Variants in ATRNL1 observed in about 807,000 individuals in gnomAD.
ATRNL1 encodes the protein attractin-like protein 1.
In ATRNL1, 95 loss-of-function variants were observed where a neutral mutation model predicts 182.7. The observed-to-expected ratio is 0.52, with a 90% confidence interval of 0.44 to 0.62. The LOEUF is 0.62. Among genes scored for constraint, ATRNL1 ranks in the 20% least tolerant of loss-of-function variants. The pLI is 0.00. For synonymous variants in ATRNL1, 576 were observed against 568.3 expected (o/e 1.01, Z -0.19); for missense variants, 1,471 against 1,679.5 (o/e 0.88, Z 2.17).
intron 24 of ATRNL1, among the ~76,000 whole-genome samples, chr10:115,475,140 A>G (rs563482382): frequency 1.3e-5 from 2 of 151,520 alleles, no homozygotes; most frequent in Non-Finnish European, 3.0e-5. Context: ...GCATAACTCA[A>G]TGAAATATTT....
chr10:115,163,854 C>G (rs1554883807), intron 6 of ATRNL1, among the ~76,000 whole-genome samples: 1 of 152,122 alleles, frequency 6.6e-6, no homozygotes, highest in Admixed American at 6.6e-5. Context: ...TGGTGTGAAT[C>G]TGTGGAAGTT....
chr10:115,703,498 G>A (rs1555052226), intron 26 of ATRNL1, among the ~76,000 whole-genome samples: 2 of 151,790 alleles, frequency 1.3e-5, no homozygotes. Flanking sequence ...TATGACAGTG[G>A]TTACCTCTGG....
chr10:115,153,252 C>T (rs1438999983), intron 5 of ATRNL1, among the ~76,000 whole-genome samples: 1 of 152,098 alleles, frequency 6.6e-6, no homozygotes, highest in Non-Finnish European at 1.5e-5. Flanking sequence ...AGGGAGGATT[C>T]CCTCTTTTTC....
intron 26 of ATRNL1, among the ~76,000 whole-genome samples, chr10:115,721,844 C>A (rs1428058302): frequency 6.6e-6 from 1 of 152,124 alleles, no homozygotes; most frequent in Non-Finnish European, 1.5e-5. Flanking sequence ...TTTGTCTTTC[C>A]TCTGTCTGGT....
rs368916038 is a variant in ATRNL1 at position 115,098,257 on chromosome 10, A to G, written c.293+4214A>G. 7.9e-4 allele frequency among the ~76,000 whole-genome samples: 120 copies of G among 152,200 alleles called. 2 individuals carry two copies. In the South Asian group the frequency reaches 0.024, roughly 31 times the overall value. Reference sequence around the variant, plus strand: ...ATGGTTTTCAAGAACACGTGTCTGCATGATTTGGCCCCTTTAGCTGATTAG... The same window carrying G: ...ATGGTTTTCAAGAACACGTGTCTGCGTGATTTGGCCCCTTTAGCTGATTAG... On this transcript the variant is annotated intron_variant, in intron 1 of 28. Transcript: ENST00000355044.
At chr10:115,489,764 A>G (rs562459178) in intron 24 of ATRNL1, among the ~76,000 whole-genome samples, 1 of 152,158 alleles carries the variant, frequency 6.6e-6, no homozygotes, top group Admixed American at 6.5e-5. Context: ...TGATCTTGTC[A>G]TTATGATGCT....
intron 26 of ATRNL1, among the ~76,000 whole-genome samples, chr10:115,641,064 AT>A (rs1199958640): frequency 1.3e-5 from 2 of 152,134 alleles, no homozygotes; most frequent in Admixed American, 6.6e-5. Flanking sequence ...TAGGAACAAA[AT>A]GCAGTTGCTT....
chr10:115,625,274 G>C (rs936430144), intron 26 of ATRNL1, among the ~76,000 whole-genome samples: 3 of 152,126 alleles, frequency 2.0e-5, no homozygotes, highest in Non-Finnish European at 1.5e-5. Context: ...GTTCGAAATT[G>C]TATGGATGAA....
At position 115,585,760 on chromosome 10, in the gene ATRNL1, G is replaced by C. The variant is rs200192316; in HGVS notation, c.3795+36224G>C. Among the ~76,000 whole-genome samples, 3 of 59,366 alleles carry C rather than the reference G, an allele frequency of 5.1e-5. 1 individual carries two copies. The highest frequency in any genetic ancestry group is 4.7e-4 in the Admixed American group (3 of 6,368). 38.9% of individuals were successfully genotyped at this position (59,366 alleles called of 152,430 possible). A position where few individuals can be genotyped will look rare whatever the true frequency, so the allele number is the denominator to read the frequency against. On this transcript the variant is annotated intron_variant, in intron 26 of 28. Transcript: ENST00000355044. ...AGGATTTAGTCCATTTACGTTTAAA[G>C]TTAATATTGTTAGGTGTGAATTTGA...
At chr10:115,304,161 G>A (rs184438937) in intron 17 of ATRNL1, among the ~76,000 whole-genome samples, 2 of 152,256 alleles carry the variant, frequency 1.3e-5, no homozygotes, top group African/African-American at 4.8e-5. Context: ...AACACAGCTT[G>A]TTTCTATAAC....
intron 24 of ATRNL1, among the ~76,000 whole-genome samples, chr10:115,517,439 G>A (rs367762565): frequency 7.9e-5 from 12 of 151,778 alleles, no homozygotes; most frequent in Non-Finnish European, 1.3e-4. Context: ...TGCTAAAAAC[G>A]TAAAGCTGAA....
intron 5 of ATRNL1, among the ~76,000 whole-genome samples, chr10:115,143,482 A>G (rs1845835238): frequency 6.6e-6 from 1 of 151,942 alleles, no homozygotes; most frequent in South Asian, 2.1e-4. Context: ...TCTTCAAAGC[A>G]TAATATCTTA....
intron 27 of ATRNL1, among the ~76,000 whole-genome samples, chr10:115,762,726 A>G (rs1948762955): frequency 6.6e-6 from 1 of 152,106 alleles, no homozygotes; most frequent in Admixed American, 6.6e-5. Context: ...ACTATCAATA[A>G]TTTATATTGA....
chr10:115,525,619 AT>A (rs1271235918), intron 25 of ATRNL1, among the ~76,000 whole-genome samples: 2 of 152,092 alleles, frequency 1.3e-5, no homozygotes, highest in Non-Finnish European at 2.9e-5. Flanking sequence ...ATTCCAGCAT[AT>A]CCCCTTCTCT....
intron 26 of ATRNL1, among the ~76,000 whole-genome samples, chr10:115,686,975 T>C (rs1709363453): frequency 6.6e-6 from 1 of 152,064 alleles, no homozygotes; most frequent in Non-Finnish European, 1.5e-5. Context: ...ACAGAATCTA[T>C]GCTATAAACC....
At chr10:115,577,612 G>GTGTA (rs1854802388) in intron 26 of ATRNL1, among the ~76,000 whole-genome samples, 1 of 64,652 alleles carries the variant, frequency 1.5e-5, no homozygotes, top group South Asian at 6.2e-4. Flanking sequence ...CTAACAGGTT[G>GTGTA]TGTGTGTGTG....
At chr10:115,713,879 T>C (rs927905782) in intron 26 of ATRNL1, among the ~76,000 whole-genome samples, 1 of 152,200 alleles carries the variant, frequency 6.6e-6, no homozygotes, top group African/African-American at 2.4e-5. Context: ...ACTCCTCATA[T>C]ATGTGTACAA....
intron 8 of ATRNL1, among the ~76,000 whole-genome samples, chr10:115,194,326 T>A (rs1208138347): frequency 3.3e-5 from 5 of 152,036 alleles, no homozygotes; most frequent in African/African-American, 1.2e-4. Context: ...TTTTGGGGTC[T>A]TCTCTCTTTT....
intron 8 of ATRNL1, 54 bp downstream of exon 8, chr10:115,171,346 TA>T (rs1847285548): frequency 7.1e-7 from 1 of 1,417,702 alleles, no homozygotes. Context: ...TTTTTCTCTT[TA>T]ATAAAATCTT....
Sources: gnomAD v4.1 joint callset for allele counts (sites outside exome capture counted in the v4.1 genomes callset) on GRCh38, gnomAD v4.1.1 for gene constraint, MANE v1.5 for transcripts, NCBI Gene and HGNC (gene_info 2026-07-23, HGNC 2026-07-21) for gene names.